MYO1B: variants seen among roughly 807,000 people sequenced by gnomAD.
MYO1B encodes unconventional myosin-Ib.
Under a neutral mutation model 159.7 loss-of-function variants are expected in MYO1B, and 72 were observed. The ratio of observed to expected loss-of-function variants is 0.45; its 90% CI spans 0.37 to 0.55. The LOEUF (loss-of-function observed/expected upper bound fraction) is 0.55, where lower values mean the gene tolerates loss of function less well. Ranked by LOEUF, MYO1B falls within the 20% of genes least tolerant of loss-of-function variation. MYO1B has a pLI of 0.00. For missense variants in MYO1B, 1,062 were observed against 1,364.8 expected (o/e 0.78, Z 3.50); for synonymous variants, 468 against 473.8 (o/e 0.99, Z 0.16).
At chr2:191,338,141 GA>G (rs57422075) in intron 4 of MYO1B, among the ~76,000 whole-genome samples, 71,726 of 149,862 alleles carry the variant, frequency 0.48, 18,086 homozygotes, top group African/African-American at 0.66. Context: ...TATATGTCAG[GA>G]AAAAAAAAAT....
At chr2:191,340,670 A>G (rs866659658) in intron 4 of MYO1B, among the ~76,000 whole-genome samples, 10 of 151,840 alleles carry the variant, frequency 6.6e-5, no homozygotes, top group Admixed American at 6.6e-5. Flanking sequence ...TAGTTTTTGA[A>G]TTAAGTTGAA....
chr2:191,303,703 GA>G (rs71030332), intron 3 of MYO1B, among the ~76,000 whole-genome samples: 56,275 of 149,620 alleles, frequency 0.38, 10,682 homozygotes, highest in Middle Eastern at 0.52. Context: ...AAGCTTTCAT[GA>G]AAAAAAAAAA....
In MYO1B at chr2:191,329,885, CATA is replaced by C. The variant is rs1337334805; in HGVS notation, c.252-44_252-42del. On this transcript the variant is annotated intron_variant, in intron 3 of 30. Coordinates refer to ENST00000392318, the MANE Select transcript of MYO1B (RefSeq NM_001130158.3). ...AGCTTGTAGTTCCATCTGATAAACA[CATA>C]ATAATGATCTGAAGTCTAAGGAATT... 5 of 1,513,238 alleles carry C rather than the reference CATA, an allele frequency of 3.3e-6. No individual in the cohort carries two copies. In the Admixed American group the frequency reaches 5.2e-5, roughly 16 times the overall value. The allele number at this position is 1,513,238 out of a possible 1,614,324, so 93.7% of individuals were successfully genotyped here.
intron 5 of MYO1B, among the ~76,000 whole-genome samples, chr2:191,345,285 A>G (rs1382086713): frequency 6.6e-6 from 1 of 152,184 alleles, no homozygotes; most frequent in Non-Finnish European, 1.5e-5. Context: ...AAAGTTTGAA[A>G]TGGTAAAGAT....
intron 18 of MYO1B, among the ~76,000 whole-genome samples, chr2:191,391,118 T>A (rs1352306551): frequency 6.6e-6 from 1 of 152,226 alleles, no homozygotes; most frequent in East Asian, 1.9e-4. Flanking sequence ...CAGAGAGAAC[T>A]GTGTACTGAC....
At chr2:191,384,199 G>T (rs1480137284) in intron 15 of MYO1B, among the ~76,000 whole-genome samples, 3 of 152,198 alleles carry the variant, frequency 2.0e-5, no homozygotes, top group African/African-American at 7.2e-5. Context: ...GACTGATTTT[G>T]TGTGTGGAAA....
chr2:191,315,256 A>G (rs560715882), intron 3 of MYO1B, among the ~76,000 whole-genome samples: 2 of 152,160 alleles, frequency 1.3e-5, no homozygotes, highest in Admixed American at 1.3e-4. Context: ...TTGTGTGCAT[A>G]TATTTTAGTC....
At chr2:191,337,082 A>T (rs1410888295) in intron 4 of MYO1B, among the ~76,000 whole-genome samples, 1 of 152,156 alleles carries the variant, frequency 6.6e-6, no homozygotes, top group Non-Finnish European at 1.5e-5. Context: ...CCTATTCTCA[A>T]GCCTTTTTTC....
intron 13 of MYO1B, among the ~76,000 whole-genome samples, chr2:191,371,451 G>A (rs1694358665): frequency 6.6e-6 from 1 of 152,192 alleles, no homozygotes; most frequent in Non-Finnish European, 1.5e-5. Flanking sequence ...GGTAAGTGGT[G>A]TGTGTATGGT....
At chr2:191,318,298 T>C (rs1574416114) in intron 3 of MYO1B, among the ~76,000 whole-genome samples, 1 of 152,188 alleles carries the variant, frequency 6.6e-6, no homozygotes, top group South Asian at 2.1e-4. Flanking sequence ...TTGTAATCTG[T>C]AGCACATCAG....
intron 24 of MYO1B, among the ~76,000 whole-genome samples, chr2:191,407,282 T>G (rs1444309447): frequency 6.6e-6 from 1 of 152,142 alleles, no homozygotes; most frequent in Admixed American, 6.5e-5. Flanking sequence ...CCTAGAAAAC[T>G]AGAAAGAAAA....
At chr2:191,373,740 A>C (rs1478370683) in intron 13 of MYO1B, among the ~76,000 whole-genome samples, 1 of 152,224 alleles carries the variant, frequency 6.6e-6, no homozygotes, top group Non-Finnish European at 1.5e-5. Flanking sequence ...ACTTTCAGCC[A>C]AGGCCAAATC....
chr2:191,256,502 C>G (rs1686458611), intron 1 of MYO1B, among the ~76,000 whole-genome samples: 1 of 152,176 alleles, frequency 6.6e-6, no homozygotes, highest in African/African-American at 2.4e-5. Flanking sequence ...ATATTTAAAT[C>G]TGTTTGAATC....
intron 25 of MYO1B, 59 bp from the exon 26 acceptor site, chr2:191,408,985 A>G (rs1342821463): frequency 2.0e-6 from 3 of 1,533,414 alleles, no homozygotes; most frequent in Non-Finnish European, 2.6e-6. Context: ...GATGTATGTA[A>G]AACAGTGTCT....
intron 1 of MYO1B, among the ~76,000 whole-genome samples, chr2:191,248,566 G>T (rs1372212342): frequency 6.6e-6 from 1 of 152,174 alleles, no homozygotes; most frequent in East Asian, 1.9e-4. Context: ...GCCCAGCATT[G>T]TGATGGGGTA....
intron 3 of MYO1B, among the ~76,000 whole-genome samples, chr2:191,309,761 C>T (rs2125856847): frequency 6.6e-6 from 1 of 152,352 alleles, no homozygotes; most frequent in Middle Eastern, 3.4e-3. Context: ...AGTCCTTCCC[C>T]AATCACCTGT....
intron 4 of MYO1B, among the ~76,000 whole-genome samples, chr2:191,332,025 C>T (rs746842091): frequency 3.4e-4 from 52 of 152,314 alleles, no homozygotes; most frequent in East Asian, 1.2e-3. Flanking sequence ...TGCAATGGCG[C>T]GATCTTGGCT....
At chr2:191,395,417 A>G (rs1301442742) in intron 20 of MYO1B, among the ~76,000 whole-genome samples, 2 of 152,182 alleles carry the variant, frequency 1.3e-5, no homozygotes, top group Non-Finnish European at 2.9e-5. Flanking sequence ...ATCTTCCAAG[A>G]CATAGCCTGG....
At chr2:191,301,057 C>CT (rs1416342088) in intron 3 of MYO1B, among the ~76,000 whole-genome samples, 1 of 152,156 alleles carries the variant, frequency 6.6e-6, no homozygotes, top group Non-Finnish European at 1.5e-5. Context: ...TCTGCGGCTC[C>CT]TTTCCTTCTC....
Sources: allele counts gnomAD v4.1 joint callset (sites outside exome capture counted in the v4.1 genomes callset), GRCh38; gene constraint gnomAD v4.1.1; transcripts MANE v1.5; gene names NCBI Gene and HGNC (gene_info 2026-07-23, HGNC 2026-07-21).